HS6ST3: variants seen among roughly 807,000 people sequenced by gnomAD.
HS6ST3 encodes heparan sulfate 6-O-sulfotransferase 3.
Under a neutral mutation model 36.7 loss-of-function variants are expected in HS6ST3, and 12 were observed. The observed-to-expected ratio is 0.33, with a 90% confidence interval of 0.21 to 0.53. The LOEUF (loss-of-function observed/expected upper bound fraction) is 0.53. Ranked by LOEUF, HS6ST3 falls within the 20% of genes least tolerant of loss-of-function variation. The pLI is 0.95. For synonymous variants in HS6ST3, 240 were observed against 257.5 expected, an observed-to-expected ratio of 0.93 and a Z score of 0.65; for missense variants, 584 against 640.9, an observed-to-expected ratio of 0.91 and a Z score of 0.96.
intron 1 of HS6ST3, among the ~76,000 whole-genome samples, chr13:96,294,303 T>G (rs2054844222): frequency 6.6e-6 from 1 of 152,198 alleles, no homozygotes; most frequent in African/African-American, 2.4e-5. Context: ...GAATACCTTC[T>G]GTTGATATTT....
At chr13:96,824,285 G>C (rs1878604006) in intron 1 of HS6ST3, among the ~76,000 whole-genome samples, 1 of 152,246 alleles carries the variant, frequency 6.6e-6, no homozygotes, top group African/African-American at 2.4e-5. Context: ...TGTGAGGTAA[G>C]AGAACCACAT....
chr13:96,648,584 A>G (rs1444197823), intron 1 of HS6ST3, among the ~76,000 whole-genome samples: 2 of 151,122 alleles, frequency 1.3e-5, no homozygotes, highest in African/African-American at 4.9e-5. Flanking sequence ...TGCTGTACCT[A>G]TCAACCCATC....
intron 1 of HS6ST3, among the ~76,000 whole-genome samples, chr13:96,580,393 T>TG (rs1027466049): frequency 3.2e-4 from 11 of 34,038 alleles, no homozygotes; most frequent in African/African-American, 1.2e-3. Context: ...CAACACTTTG[T>TG]TTTTTTTTTT....
intron 1 of HS6ST3, among the ~76,000 whole-genome samples, chr13:96,441,807 G>A (rs996921936): frequency 2.0e-5 from 3 of 151,898 alleles, no homozygotes; most frequent in Non-Finnish European, 4.4e-5. Flanking sequence ...TGAGAATATA[G>A]CATAAAAAGA....
chr13:96,298,086 G>A (rs180918184), intron 1 of HS6ST3, among the ~76,000 whole-genome samples: 70 of 148,858 alleles, frequency 4.7e-4, no homozygotes, highest in Middle Eastern at 3.4e-3. Context: ...GGATGGGGAA[G>A]TAATTAATTT....
At chr13:96,179,148 T>C (rs1369217727) in intron 1 of HS6ST3, among the ~76,000 whole-genome samples, 3 of 152,150 alleles carry the variant, frequency 2.0e-5, no homozygotes, top group African/African-American at 7.2e-5. Context: ...TCTCTCAAAA[T>C]AGTGGGTAGA....
At chr13:96,182,223 G>A (rs1303019405) in intron 1 of HS6ST3, among the ~76,000 whole-genome samples, 2 of 152,248 alleles carry the variant, frequency 1.3e-5, no homozygotes, top group South Asian at 4.2e-4. Flanking sequence ...GAGTTTCTGA[G>A]ACTTTGCCAT....
chr13:96,804,157 A>G lies in HS6ST3; in HGVS notation c.708-28333A>G, dbSNP rs1379956873. ...TCAGCCCTGTTTTGCCAAAAAAAAA[A>G]AAAGAAAAAGGCATGGAGTCAAGTT... On this transcript the variant is annotated intron_variant, in intron 1 of 1. Coordinates refer to ENST00000376705, the MANE Select transcript of HS6ST3 (RefSeq NM_153456.4). 2.0e-5 allele frequency among the ~76,000 whole-genome samples: 3 copies of G among 152,244 alleles called. No homozygotes were observed. In the East Asian group the frequency reaches 5.8e-4, roughly 29 times the overall value.
At chr13:96,620,850 A>T (rs909227423) in intron 1 of HS6ST3, among the ~76,000 whole-genome samples, 4 of 151,780 alleles carry the variant, frequency 2.6e-5, no homozygotes, top group African/African-American at 7.2e-5. Flanking sequence ...ATTTTTTTTT[A>T]AATAGGAAAT....
intron 1 of HS6ST3, among the ~76,000 whole-genome samples, chr13:96,789,527 T>G (rs1441589113): frequency 1.3e-5 from 2 of 151,944 alleles, no homozygotes; most frequent in African/African-American, 4.8e-5. Flanking sequence ...CCTTCATTCC[T>G]GAAGTTCCAG....
At chr13:96,814,961 G>T (rs374354597) in intron 1 of HS6ST3, among the ~76,000 whole-genome samples, 332 of 152,220 alleles carry the variant, frequency 2.2e-3, no homozygotes, top group African/African-American at 7.5e-3. Flanking sequence ...TTATTGAAAA[G>T]ACTCAGTTTA....
chr13:96,466,853 G>A (rs2055816849), intron 1 of HS6ST3, among the ~76,000 whole-genome samples: 1 of 152,212 alleles, frequency 6.6e-6, no homozygotes, highest in African/African-American at 2.4e-5. Context: ...CTCCTGTGAT[G>A]AGACAAGTGT....
intron 1 of HS6ST3, among the ~76,000 whole-genome samples, chr13:96,410,749 A>T (rs535410060): frequency 6.6e-6 from 1 of 152,360 alleles, no homozygotes; most frequent in African/African-American, 2.4e-5. Flanking sequence ...AACAATACTT[A>T]TGCAGAGAAT....
At chr13:96,692,306 T>C (rs1254126432) in intron 1 of HS6ST3, among the ~76,000 whole-genome samples, 1 of 152,180 alleles carries the variant, frequency 6.6e-6, no homozygotes, top group East Asian at 1.9e-4. Flanking sequence ...AAATCATCTC[T>C]AGATTACTTA....
At chr13:96,646,849 A>G (rs1005390078) in intron 1 of HS6ST3, among the ~76,000 whole-genome samples, 1 of 152,002 alleles carries the variant, frequency 6.6e-6, no homozygotes, top group Admixed American at 6.6e-5. Context: ...GAAAAATTTA[A>G]TAACTGACTT....
chr13:96,615,111 T>A (rs1373417975), intron 1 of HS6ST3, among the ~76,000 whole-genome samples: 1 of 152,178 alleles, frequency 6.6e-6, no homozygotes, highest in Non-Finnish European at 1.5e-5. Context: ...TAGTATTAGA[T>A]TGGTACAAAA....
chr13:96,662,877 C>T (rs769892632), intron 1 of HS6ST3, among the ~76,000 whole-genome samples: 80 of 152,242 alleles, frequency 5.3e-4, no homozygotes, highest in Non-Finnish European at 9.7e-4. Context: ...TGCAGTTCAA[C>T]CTCCAGGCCA....
intron 1 of HS6ST3, among the ~76,000 whole-genome samples, chr13:96,647,559 A>C (rs2139010372): frequency 6.6e-6 from 1 of 152,138 alleles, no homozygotes; most frequent in Middle Eastern, 3.4e-3. Flanking sequence ...ATTTTGTATT[A>C]GCAAGTCTGG....
At chr13:96,574,239 T>C (rs1245673210) in intron 1 of HS6ST3, 10 of 465,142 alleles carry the variant, frequency 2.1e-5, no homozygotes, top group Non-Finnish European at 3.0e-5. Flanking sequence ...AGTGATTACC[T>C]GGACTGGGAG....
Sources: gnomAD v4.1 joint callset for allele counts (sites outside exome capture counted in the v4.1 genomes callset) on GRCh38, gnomAD v4.1.1 for gene constraint, MANE v1.5 for transcripts, NCBI Gene and HGNC (gene_info 2026-07-23, HGNC 2026-07-21) for gene names.